Variants in MACROD2 observed in about 807,000 individuals in gnomAD.
The protein encoded by MACROD2 is mono-ADP ribosylhydrolase 2.
MACROD2 carries 36 observed loss-of-function variants against 70.4 expected under a neutral mutation model. The ratio of observed to expected loss-of-function variants is 0.51; its 90% confidence interval spans 0.39 to 0.68. MACROD2 has a LOEUF of 0.68. MACROD2 is among the 30% of genes least tolerant of loss of function. The probability of loss-of-function intolerance (pLI) is 0.00; values close to 1 mark genes in which losing one functional copy is unlikely to be tolerated. For missense variants in MACROD2, 496 were observed against 538.4 expected (o/e 0.92, Z 0.78); for synonymous variants, 172 against 178.8 (o/e 0.96, Z 0.30).
chr20:15,926,032 C>T (rs575002564), intron 10 of MACROD2, among the ~76,000 whole-genome samples: 1 of 152,320 alleles, frequency 6.6e-6, no homozygotes, highest in Admixed American at 6.5e-5. Context: ...GCACCACCTT[C>T]CCAGAAGGCT....
intron 6 of MACROD2, among the ~76,000 whole-genome samples, chr20:15,347,457 G>C (rs2078179059): frequency 1.3e-5 from 2 of 152,124 alleles, no homozygotes; most frequent in African/African-American, 4.8e-5. Flanking sequence ...GTTATGTTTT[G>C]AGGATCCATA....
chr20:14,678,458 T>C (rs2070889412), intron 4 of MACROD2, among the ~76,000 whole-genome samples: 1 of 152,182 alleles, frequency 6.6e-6, no homozygotes, highest in South Asian at 2.1e-4. Flanking sequence ...CTTAGTTGTC[T>C]TTTTTCCTAT....
intron 2 of MACROD2, among the ~76,000 whole-genome samples, chr20:14,057,257 A>C (rs867497526): frequency 2.6e-5 from 4 of 152,316 alleles, no homozygotes; most frequent in Admixed American, 6.5e-5. Context: ...TCACAGGTAT[A>C]AAAGGGAAGA....
intron 5 of MACROD2, among the ~76,000 whole-genome samples, chr20:15,066,840 C>A (rs2075579785): frequency 1.3e-5 from 2 of 151,412 alleles, no homozygotes; most frequent in Non-Finnish European, 2.9e-5. Context: ...CAAGACTGCA[C>A]CACTGCACTC....
At chr20:14,260,528 C>T (rs1230953350) in intron 3 of MACROD2, among the ~76,000 whole-genome samples, 1 of 152,134 alleles carries the variant, frequency 6.6e-6, no homozygotes, top group Non-Finnish European at 1.5e-5. Flanking sequence ...GTTACGGACT[C>T]CTGGCCTCAA....
At chr20:14,033,629 G>A (rs2053272300) in intron 2 of MACROD2, among the ~76,000 whole-genome samples, 1 of 152,142 alleles carries the variant, frequency 6.6e-6, no homozygotes, top group South Asian at 2.1e-4. Context: ...CATGGAGAAA[G>A]AATCAAACAG....
chr20:15,272,928 G>T (rs1306207030), intron 6 of MACROD2, among the ~76,000 whole-genome samples: 1 of 152,098 alleles, frequency 6.6e-6, no homozygotes. Context: ...ACTTGTCCTG[G>T]TGCTTTTGGC....
chr20:15,220,807 A>G (rs1365514488), intron 5 of MACROD2, among the ~76,000 whole-genome samples: 1 of 152,244 alleles, frequency 6.6e-6, no homozygotes, highest in Admixed American at 6.5e-5. Flanking sequence ...AAAGTCCTGT[A>G]GTCAGAAAAG....
chr20:15,573,456 T>A (rs931951947), intron 8 of MACROD2, among the ~76,000 whole-genome samples: 10 of 152,130 alleles, frequency 6.6e-5, no homozygotes, highest in African/African-American at 2.2e-4. Context: ...AGCAAAGGTT[T>A]TTCTCTAGTT....
intron 15 of MACROD2, among the ~76,000 whole-genome samples, chr20:16,030,111 A>G (rs2067132966): frequency 6.6e-6 from 1 of 152,166 alleles, no homozygotes; most frequent in Non-Finnish European, 1.5e-5. Flanking sequence ...TCTCCTGGAA[A>G]GTTCTGAGTC....
intron 3 of MACROD2, among the ~76,000 whole-genome samples, chr20:14,452,731 G>A (rs1383980572): frequency 2.6e-5 from 4 of 152,148 alleles, no homozygotes; most frequent in Admixed American, 6.5e-5. Flanking sequence ...CAATCCTATT[G>A]TGAATCCTTT....
At chr20:15,132,590 C>T (rs901452977) in intron 5 of MACROD2, among the ~76,000 whole-genome samples, 5 of 151,590 alleles carry the variant, frequency 3.3e-5, no homozygotes, top group African/African-American at 1.2e-4. Context: ...TATAATAAAA[C>T]TAGAGCTTAA....
At chr20:14,712,884 T>C (rs148947615) in intron 5 of MACROD2, among the ~76,000 whole-genome samples, 1 of 152,328 alleles carries the variant, frequency 6.6e-6, no homozygotes, top group African/African-American at 2.4e-5. Flanking sequence ...CCTTCCTGTT[T>C]ACATTCAGTA....
At chr20:14,618,083 C>T (rs556401880) in intron 4 of MACROD2, among the ~76,000 whole-genome samples, 9 of 145,930 alleles carry the variant, frequency 6.2e-5, no homozygotes, top group Middle Eastern at 3.5e-3. Flanking sequence ...AATGGGTCTG[C>T]GGTCCACACC....
At chr20:14,862,853 A>G (rs1001338245) in intron 5 of MACROD2, among the ~76,000 whole-genome samples, 1 of 149,090 alleles carries the variant, frequency 6.7e-6, no homozygotes, top group Admixed American at 6.9e-5. Flanking sequence ...TTGAGTTGGC[A>G]TACCTACTGT....
At chr20:15,875,406 C>A (rs1443831567) in intron 9 of MACROD2, among the ~76,000 whole-genome samples, 1 of 152,010 alleles carries the variant, frequency 6.6e-6, no homozygotes, top group Non-Finnish European at 1.5e-5. Flanking sequence ...AAGTACATGG[C>A]ACATTTATGT....
intron 5 of MACROD2, among the ~76,000 whole-genome samples, chr20:15,228,964 A>G (rs1453764144): frequency 2.0e-5 from 3 of 152,178 alleles, no homozygotes; most frequent in African/African-American, 7.2e-5. Flanking sequence ...CATTAGACTG[A>G]ATTTGTCTTT....
intron 5 of MACROD2, among the ~76,000 whole-genome samples, chr20:14,724,346 T>C (rs538227885): frequency 6.6e-6 from 1 of 152,290 alleles, no homozygotes; most frequent in African/African-American, 2.4e-5. Flanking sequence ...AAAATGGGGA[T>C]AATAATAGTT....
intron 3 of MACROD2, among the ~76,000 whole-genome samples, chr20:14,359,331 G>T (rs367964237): frequency 6.3e-4 from 96 of 152,302 alleles, no homozygotes; most frequent in Non-Finnish European, 1.2e-3. Context: ...TGTTGATGAG[G>T]ATGTGGAGCA....
Sources: allele counts gnomAD v4.1 joint callset (sites outside exome capture counted in the v4.1 genomes callset), GRCh38; gene constraint gnomAD v4.1.1; transcripts MANE v1.5; gene names NCBI Gene and HGNC (gene_info 2026-07-23, HGNC 2026-07-21).